Variants in CPT1A observed in about 807,000 individuals in gnomAD.
The protein encoded by CPT1A is carnitine palmitoyltransferase 1A.
A neutral mutation model predicts 100.8 loss-of-function variants in CPT1A; 64 were observed. That is an observed-to-expected ratio of 0.63 (90% CI 0.52 to 0.78). The LOEUF is 0.78. Ranked by LOEUF, CPT1A falls within the 30% of genes least tolerant of loss-of-function variation. The pLI, the probability that CPT1A is intolerant of heterozygous loss-of-function variation, is 0.00. For synonymous variants in CPT1A, 363 were observed against 396.0 expected, an observed-to-expected ratio of 0.92 and a Z score of 0.99; for missense variants, 802 against 1,034.1, an observed-to-expected ratio of 0.78 and a Z score of 3.08.
Position 68,780,568 on chromosome 11 carries a change from G to C in CPT1A, c.1458+72C>G, listed in dbSNP as rs552022289. 3.2e-5 allele frequency: 43 copies of C among 1,335,234 alleles called. No individual in the cohort carries two copies. The Admixed American group carries it at 7.2e-4, about 22-fold the overall frequency. The allele number at this position is 1,335,234 out of a possible 1,614,324, so 82.7% of individuals were successfully genotyped here. The stretch of plus-strand genomic sequence containing the variant: ...CAAAGTGCTGGGATTACAGGTGTGC[G>C]CCACTGCGCCTGGCCAGGTTTGGAT... On this transcript the variant is annotated intron_variant, in intron 12 of 18. Coordinates refer to ENST00000265641, the MANE Select transcript of CPT1A (RefSeq NM_001876.4).
intron 2 of CPT1A, among the ~76,000 whole-genome samples, chr11:68,813,897 C>T (rs1362257360): frequency 6.6e-6 from 1 of 152,108 alleles, no homozygotes; most frequent in African/African-American, 2.4e-5. Flanking sequence ...GCCCAAGAAC[C>T]CACAGGCTGA....
intron 14 of CPT1A, among the ~76,000 whole-genome samples, chr11:68,763,903 T>G (rs1250648237): frequency 6.6e-6 from 1 of 151,398 alleles, no homozygotes; most frequent in African/African-American, 2.4e-5. Flanking sequence ...GCTCCCCAGG[T>G]AAGTTCAGGG....
intron 5 of CPT1A, among the ~76,000 whole-genome samples, chr11:68,803,702 G>A (rs1855966148): frequency 7.5e-6 from 1 of 134,212 alleles, no homozygotes; most frequent in Non-Finnish European, 1.5e-5. Flanking sequence ...CAGAGGGAGA[G>A]TCCATCACAA....
Position 68,807,509 on chromosome 11 carries a change from G to A in CPT1A, c.411C>T (p.Phe137=). 1 of 1,614,190 alleles carries A rather than the reference G, an allele frequency of 6.2e-7. No homozygotes were observed. Reference sequence around the variant, plus strand: ...CACGACTCATCTTGCCGTGCTCAGTGAACATCCACCCGTGGTAGGAGAGCA... The same window carrying A: ...CACGACTCATCTTGCCGTGCTCAGTAAACATCCACCCGTGGTAGGAGAGCA... ...KVLLSYHGWM[F]TEHGKMSRAT... Residue 137 remains phenylalanine (F), a synonymous_variant, in exon 4 of 19, where the codon TTC becomes TTT. Coordinates refer to ENST00000265641, the MANE Select transcript of CPT1A (RefSeq NM_001876.4).
chr11:68,842,385 G>T (rs1186073218), upstream of CPT1A, among the ~76,000 whole-genome samples: 2 of 151,976 alleles, frequency 1.3e-5, no homozygotes, highest in Non-Finnish European at 2.9e-5. Context: ...GCGGGAAGTC[G>T]CTTGAAGCCA....
At chr11:68,780,772 T>C in intron 11 of CPT1A, 27 bp from the exon 12 acceptor site, 2 of 1,595,732 alleles carry the variant, frequency 1.3e-6, no homozygotes, top group Non-Finnish European at 1.7e-6. Flanking sequence ...TGTGTGGAAC[T>C]TAAGTGTTTA....
At chr11:68,793,676 G>A (rs1216486121) in intron 8 of CPT1A, among the ~76,000 whole-genome samples, 1 of 151,206 alleles carries the variant, frequency 6.6e-6, no homozygotes, top group African/African-American at 2.4e-5. Context: ...AACCCGGGAG[G>A]CAGAGCCTGC....
chr11:68,818,666 C>CT (rs2154001697), intron 1 of CPT1A: 1 of 152,548 alleles, frequency 6.6e-6, no homozygotes, highest in East Asian at 1.9e-4. Context: ...CAAGACCAGC[C>CT]TGGGCAACAT....
At chr11:68,788,330 G>A (rs1294353116) in intron 9 of CPT1A, among the ~76,000 whole-genome samples, 1 of 152,146 alleles carries the variant, frequency 6.6e-6, no homozygotes, top group Non-Finnish European at 1.5e-5. Flanking sequence ...CAGGCACAGT[G>A]GCTCATGCCT....
rs201717907 is a variant in CPT1A at position 68,812,592 on chromosome 11, C to T, written c.142-16G>A. On this transcript the variant is annotated splice_polypyrimidine_tract_variant and intron_variant, in intron 2 of 18. Transcript: ENST00000265641. ...TGATGCCGTTCTAAAGACAGACACC[C>T]GGGCCGTGAGCGGTGTCCTCCCACA... 2.7e-4 allele frequency: 428 copies of T among 1,613,958 alleles called. 1 individual carries two copies. The East Asian group carries it at 7.2e-3, about 27-fold the overall frequency.
chr11:68,758,491 C>G (rs1295193379), intron 18 of CPT1A, among the ~76,000 whole-genome samples: 1 of 152,144 alleles, frequency 6.6e-6, no homozygotes, highest in African/African-American at 2.4e-5. Context: ...AGTGTGTACC[C>G]ATTATTTTTA....
At chr11:68,770,264 C>T (rs1251928636) in intron 14 of CPT1A, among the ~76,000 whole-genome samples, 3 of 152,096 alleles carry the variant, frequency 2.0e-5, no homozygotes, top group Non-Finnish European at 4.4e-5. Flanking sequence ...CTATTACATT[C>T]TCTTATTATA....
intron 14 of CPT1A, among the ~76,000 whole-genome samples, chr11:68,768,053 T>G (rs1328280200): frequency 6.7e-6 from 1 of 149,770 alleles, no homozygotes; most frequent in Non-Finnish European, 1.5e-5. Flanking sequence ...TCAGACACTT[T>G]CTAGTTTCCA....
chr11:68,786,561 G>A (rs1049991371), intron 9 of CPT1A, among the ~76,000 whole-genome samples: 2 of 152,106 alleles, frequency 1.3e-5, no homozygotes, highest in Admixed American at 6.6e-5. Context: ...ACGGAGTCTC[G>A]CTCTTATTGC....
At chr11:68,814,738 G>A (rs1484026425) in intron 2 of CPT1A, among the ~76,000 whole-genome samples, 2 of 152,122 alleles carry the variant, frequency 1.3e-5, no homozygotes, top group African/African-American at 4.8e-5. Context: ...CCAGGCTGGA[G>A]TGTGGTGGCT....
At chr11:68,804,986 A>G (rs1176376694) in intron 4 of CPT1A, among the ~76,000 whole-genome samples, 2 of 152,192 alleles carry the variant, frequency 1.3e-5, no homozygotes, top group Non-Finnish European at 2.9e-5. Flanking sequence ...TTGGTACTGC[A>G]GGGCATTGGG....
intron 14 of CPT1A, among the ~76,000 whole-genome samples, chr11:68,768,297 G>C (rs1273928219): frequency 6.6e-6 from 1 of 151,730 alleles, no homozygotes; most frequent in African/African-American, 2.4e-5. Context: ...GGATGGTCTC[G>C]ATCTTCTGAC....
At position 68,784,976 on chromosome 11, in the gene CPT1A, G is replaced by C. The variant is rs150511642; in HGVS notation, c.1002C>G (p.Ile334Met). The change falls in exon 10 of 19, where the codon ATC (isoleucine) becomes ATG (methionine). Residue 334 changes from isoleucine (I) to methionine (M), a missense_variant. By Grantham distance (10) the Ile-to-Met change is conservative. Coordinates refer to ENST00000265641, the MANE Select transcript of CPT1A (RefSeq NM_001876.4). ...AGTAGCGTCCTCGATGGTACACGAC[G>C]ATGTGCTTGCTGTCTCTCATGTGCT... Reference protein sequence around the residue: ...TIQHMRDSKHIVVYHRGRYFK... With the variant: ...TIQHMRDSKHMVVYHRGRYFK... 10 of 1,613,874 alleles carry C rather than the reference G, an allele frequency of 6.2e-6. No individual in the cohort carries two copies. In the South Asian group the frequency reaches 1.1e-4, roughly 18 times the overall value.
At chr11:68,788,528 G>A (rs1855523866) in intron 9 of CPT1A, among the ~76,000 whole-genome samples, 1 of 151,242 alleles carries the variant, frequency 6.6e-6, no homozygotes, top group African/African-American at 2.4e-5. Flanking sequence ...GAAACTGGAA[G>A]GTGCGGTTTG....
Sources: allele counts gnomAD v4.1 joint callset (sites outside exome capture counted in the v4.1 genomes callset), GRCh38; gene constraint gnomAD v4.1.1; transcripts MANE v1.5; gene names NCBI Gene and HGNC (gene_info 2026-07-23, HGNC 2026-07-21).